Variants in NDST4 observed in about 807,000 individuals in gnomAD.
NDST4 encodes the protein N-heparan sulfate sulfotransferase 4.
Under a neutral mutation model 100.8 loss-of-function variants are expected in NDST4, and 63 were observed. The ratio of observed to expected loss-of-function variants is 0.62; its 90% CI spans 0.51 to 0.77. The LOEUF (loss-of-function observed/expected upper bound fraction) is 0.77. NDST4 is among the 30% of genes least tolerant of loss of function. The probability of loss-of-function intolerance (pLI) is 0.00; values close to 1 mark genes in which losing one functional copy is unlikely to be tolerated. For missense variants in NDST4, 943 were observed against 1,018.4 expected, an observed-to-expected ratio of 0.93 and a Z score of 1.01; for synonymous variants, 377 against 361.8, an observed-to-expected ratio of 1.04 and a Z score of -0.48.
chr4:115,015,998 G>T (rs371729738), intron 2 of NDST4, among the ~76,000 whole-genome samples: 1 of 152,102 alleles, frequency 6.6e-6, no homozygotes, highest in Non-Finnish European at 1.5e-5. Flanking sequence ...AGACATTCTG[G>T]ATATGGATTT....
At chr4:114,872,507 A>T (rs1724170029) in intron 6 of NDST4, among the ~76,000 whole-genome samples, 1 of 151,962 alleles carries the variant, frequency 6.6e-6, no homozygotes, top group Admixed American at 6.6e-5. Flanking sequence ...ATACTAGAAT[A>T]CTGAAAAAAA....
chr4:114,902,329 ATAGT>A (rs1378702355), intron 6 of NDST4, among the ~76,000 whole-genome samples: 1 of 151,912 alleles, frequency 6.6e-6, no homozygotes, highest in African/African-American at 2.4e-5. Flanking sequence ...TTTCTTCTTC[ATAGT>A]TAAAGGATAT....
intron 6 of NDST4, among the ~76,000 whole-genome samples, chr4:114,918,326 G>A (rs1725217050): frequency 6.8e-6 from 1 of 145,990 alleles, no homozygotes; most frequent in Admixed American, 7.2e-5. Flanking sequence ...TTGTAAAAGT[G>A]TGTCAGGACT....
rs1251569090 is a variant in NDST4, at chr4:115,076,337, G to A, written c.700C>T (p.Leu234Phe). 4 of 1,613,870 alleles carry A rather than the reference G, an allele frequency of 2.5e-6. No individual in the cohort carries two copies. The highest frequency in any genetic ancestry group is 3.4e-6 in the Non-Finnish European group (4 of 1,179,952). Reference protein sequence around the residue: ...QYNHSTYQPVLLTELQTEKSL... With the variant: ...QYNHSTYQPVFLTELQTEKSL... ...TTTTCTGTCTGTAACTCAGTTAAAAGTACAGGCTGGTAGGTTGAATGATTA... is the reference window on the plus strand; with the variant it reads ...TTTTCTGTCTGTAACTCAGTTAAAAATACAGGCTGGTAGGTTGAATGATTA... Residue 234 changes from leucine to phenylalanine, a missense_variant, in exon 2 of 14, where the codon CTT becomes TTT. By Grantham distance (22) the Leu-to-Phe change is conservative. Transcript: ENST00000264363.
chr4:114,892,703 G>C (rs1339123724), intron 6 of NDST4, among the ~76,000 whole-genome samples: 1 of 151,942 alleles, frequency 6.6e-6, no homozygotes, highest in African/African-American at 2.4e-5. Flanking sequence ...ATGCTGAAAT[G>C]TGTCTCTATC....
intron 2 of NDST4, among the ~76,000 whole-genome samples, chr4:115,018,203 T>C (rs1211806470): frequency 6.6e-6 from 1 of 151,870 alleles, no homozygotes; most frequent in Non-Finnish European, 1.5e-5. Context: ...TGAAAGCCAT[T>C]GAGAACAAAA....
At chr4:114,992,718 T>G (rs1408294097) in intron 2 of NDST4, among the ~76,000 whole-genome samples, 2 of 151,896 alleles carry the variant, frequency 1.3e-5, no homozygotes, top group African/African-American at 4.8e-5. Flanking sequence ...TGGTATTTCA[T>G]TTAACTTTTA....
chr4:115,037,823 C>T (rs1359807254), intron 2 of NDST4, among the ~76,000 whole-genome samples: 1 of 152,026 alleles, frequency 6.6e-6, no homozygotes, highest in African/African-American at 2.4e-5. Flanking sequence ...GATATTATGT[C>T]CCCCTCAGTA....
intron 2 of NDST4, among the ~76,000 whole-genome samples, chr4:115,061,339 C>T (rs188355016): frequency 6.6e-6 from 1 of 152,206 alleles, no homozygotes; most frequent in East Asian, 1.9e-4. Flanking sequence ...TTCACTGCAG[C>T]ACTATTTACA....
In NDST4 at chr4:115,005,765, C is replaced by T. The variant is rs146756075; in HGVS notation, c.979-28491G>A. Among the ~76,000 whole-genome samples, 455 of 151,630 alleles carry T rather than the reference C, an allele frequency of 3.0e-3. 3 individuals are homozygous for T. Among genetic ancestry groups the T allele is most frequent in the African/African-American group, 0.01 (423 of 41,378 alleles). On this transcript the variant is annotated intron_variant, in intron 2 of 13. Coordinates refer to ENST00000264363, the MANE Select transcript of NDST4 (RefSeq NM_022569.3). ...AGCTGGATAAGATGGTGGGGGCAATCCAGAAAAAATAAAACAGAAACAGGT... is the reference window on the plus strand; with the variant it reads ...AGCTGGATAAGATGGTGGGGGCAATTCAGAAAAAATAAAACAGAAACAGGT...
chr4:114,986,832 A>ATATATTTTTTTT lies in NDST4; in HGVS notation c.979-9559_979-9558insAAAAAAAATATA. ...TATATATATATATATATATATATAT[A>ATATATTTTTTTT]TTTTAATATACTATTCCTATAAGCT... is the stretch of plus-strand genomic sequence containing the variant. On this transcript the variant is annotated intron_variant, in intron 2 of 13. Transcript: ENST00000264363. Among the ~76,000 whole-genome samples the ATATATTTTTTTT allele has an allele frequency of 5.5e-4, 52 of 94,642 alleles. 2 individuals carry two copies. The highest frequency in any genetic ancestry group is 1.2e-3 in the Admixed American group (10 of 8,386). The allele number at this position is 94,642 out of a possible 152,430, so 62.1% of individuals were successfully genotyped here. A position where few individuals can be genotyped will look rare whatever the true frequency, so the allele number is the denominator to read the frequency against.
intron 1 of NDST4, among the ~76,000 whole-genome samples, chr4:115,100,577 A>G (rs1729710299): frequency 6.6e-6 from 1 of 152,122 alleles, no homozygotes; most frequent in African/African-American, 2.4e-5. Flanking sequence ...CATGCACAGT[A>G]GGATACATTT....
At chr4:114,844,348 T>G (rs949454555) in intron 10 of NDST4, among the ~76,000 whole-genome samples, 16 of 152,354 alleles carry the variant, frequency 1.1e-4, no homozygotes, top group South Asian at 8.3e-4. Flanking sequence ...GCTCAACAAA[T>G]GGCAGCAGCC....
intron 4 of NDST4, among the ~76,000 whole-genome samples, chr4:114,969,998 CTG>C (rs755233128): frequency 6.6e-6 from 1 of 151,962 alleles, no homozygotes; most frequent in Non-Finnish European, 1.5e-5. Context: ...TTTTTAATAA[CTG>C]TTATTCTGAT....
At chr4:115,025,778 T>C (rs1216398858) in intron 2 of NDST4, among the ~76,000 whole-genome samples, 1 of 152,188 alleles carries the variant, frequency 6.6e-6, no homozygotes, top group Non-Finnish European at 1.5e-5. Context: ...ATTTCAAATG[T>C]AGTAACCCTG....
Position 114,845,922 on chromosome 4 carries a change from A to G in NDST4, c.2016T>C (p.His672=), listed in dbSNP as rs1219388144. Residue 672 remains histidine, a synonymous_variant, in exon 10 of 14, where the codon CAT becomes CAC. Transcript: ENST00000264363. Reference sequence around the variant, plus strand: ...CGGCTCGTCTTGGAGCTTCTTCCGAATGGAAGTAATTAGCACTCTTTTCAA... The same window carrying G: ...CGGCTCGTCTTGGAGCTTCTTCCGAGTGGAAGTAATTAGCACTCTTTTCAA... ...FLFEKSANYF[H]SEEAPRRAAS... 2.5e-6 allele frequency: 4 copies of G among 1,613,978 alleles called. No homozygotes were observed. The highest frequency in any genetic ancestry group is 3.3e-5 in the Admixed American group (2 of 60,016).
intron 2 of NDST4, among the ~76,000 whole-genome samples, chr4:115,022,503 A>ATATATG (rs1560570315): frequency 6.7e-4 from 75 of 111,422 alleles, no homozygotes; most frequent in African/African-American, 3.0e-3. Context: ...ATATATATAT[A>ATATATG]TGTTCCATAT....
At chr4:114,993,895 G>T (rs1260155523) in intron 2 of NDST4, among the ~76,000 whole-genome samples, 2 of 151,966 alleles carry the variant, frequency 1.3e-5, no homozygotes. Flanking sequence ...TCTAACAACA[G>T]TGTCTATTGA....
At chr4:114,986,793 C>CATATGTATATATATATATATAT (rs1218840726) in intron 2 of NDST4, among the ~76,000 whole-genome samples, 3 of 91,148 alleles carry the variant, frequency 3.3e-5, no homozygotes, top group African/African-American at 9.1e-5. Context: ...TCCAATTATA[C>CATATGTATATATATATATATAT]ATATATATAT....
Sources: allele counts gnomAD v4.1 joint callset (sites outside exome capture counted in the v4.1 genomes callset), GRCh38; gene constraint gnomAD v4.1.1; transcripts MANE v1.5; gene names NCBI Gene and HGNC (gene_info 2026-07-23, HGNC 2026-07-21).